The following ASXL3 variants were observed in gnomAD, a reference collection of about 807,000 sequenced individuals.
ASXL3 encodes the protein ASXL transcriptional regulator 3.
Under a neutral mutation model 170.6 loss-of-function variants are expected in ASXL3, and 34 were observed. The observed-to-expected ratio is 0.20, with a 90% CI of 0.15 to 0.27. The LOEUF (loss-of-function observed/expected upper bound fraction) is 0.27, where lower values mean the gene tolerates loss of function less well. Among genes scored for constraint, ASXL3 ranks in the 10% least tolerant of loss-of-function variants. ASXL3 has a pLI of 1.00. For missense variants in ASXL3, 2,592 were observed against 2,695.3 expected (o/e 0.96, Z 0.85); for synonymous variants, 1,002 against 989.1 (o/e 1.01, Z -0.24).
chr18:33,651,923 T>C (rs577241088), intron 4 of ASXL3, among the ~76,000 whole-genome samples: 1 of 152,230 alleles, frequency 6.6e-6, no homozygotes, highest in East Asian at 1.9e-4. Context: ...GGAAAAGTGG[T>C]ATATTTTTAA....
chr18:33,706,079 C>T (rs2066950835), intron 8 of ASXL3, among the ~76,000 whole-genome samples: 1 of 147,550 alleles, frequency 6.8e-6, no homozygotes, highest in Non-Finnish European at 1.5e-5. Flanking sequence ...CATTGAGTGA[C>T]ATAATAATTC....
Position 33,745,724 on chromosome 18 carries a change from A to G in ASXL3, c.5876A>G (p.Asn1959Ser). 3 of 1,613,934 alleles carry G rather than the reference A, an allele frequency of 1.9e-6. No homozygotes were observed. The highest frequency in any genetic ancestry group is 2.5e-6 in the Non-Finnish European group (3 of 1,179,880). Residue 1959 changes from asparagine (N) to serine (S), a missense_variant, in exon 12 of 12, where the codon AAT (asparagine) becomes AGT (serine). Physicochemically the swap from Asn to Ser is conservative, Grantham distance 46 (BLOSUM62 1). Transcript: ENST00000269197. The stretch of plus-strand genomic sequence containing the variant: ...TCTTCCAAGACCCCAGTGGGGTGTA[A>G]TGCATTTGCCTTCAACAGGCATCTT... ...QASSKTPVGCNAFAFNRHLEQ... is the reference protein window; with the variant it reads ...QASSKTPVGCSAFAFNRHLEQ...
At chr18:33,588,194 A>T (rs993228748) in intron 1 of ASXL3, among the ~76,000 whole-genome samples, 6 of 152,108 alleles carry the variant, frequency 3.9e-5, no homozygotes, top group Non-Finnish European at 8.8e-5. Context: ...CATCTAGCAG[A>T]TCGTTATCTA....
At chr18:33,617,199 A>G (rs75440470) in intron 2 of ASXL3, among the ~76,000 whole-genome samples, 63 of 152,270 alleles carry the variant, frequency 4.1e-4, no homozygotes, top group Non-Finnish European at 7.5e-4. Flanking sequence ...GAAGTTTTAT[A>G]TTCAAATATT....
At chr18:33,656,762 T>C (rs1416985813) in intron 4 of ASXL3, among the ~76,000 whole-genome samples, 2 of 152,082 alleles carry the variant, frequency 1.3e-5, no homozygotes, top group South Asian at 2.1e-4. Context: ...TTATCCCTAA[T>C]TGACTTTAGA....
chr18:33,692,325 G>C (rs945479414), intron 8 of ASXL3, among the ~76,000 whole-genome samples: 2 of 152,116 alleles, frequency 1.3e-5, no homozygotes, highest in African/African-American at 4.8e-5. Context: ...CTGAAGCATA[G>C]AACAGAGGAG....
chr18:33,656,836 A>G (rs1161898806), intron 4 of ASXL3, among the ~76,000 whole-genome samples: 1 of 152,134 alleles, frequency 6.6e-6, no homozygotes, highest in Non-Finnish European at 1.5e-5. Flanking sequence ...CATTTTATAC[A>G]TACTTTTTCA....
intron 2 of ASXL3, among the ~76,000 whole-genome samples, chr18:33,611,106 A>G (rs1036419530): frequency 6.6e-6 from 1 of 152,110 alleles, no homozygotes; most frequent in African/African-American, 2.4e-5. Context: ...TTTACAACTG[A>G]CACTTTAAAT....
chr18:33,641,549 T>C (rs754810106), intron 2 of ASXL3, among the ~76,000 whole-genome samples: 7 of 152,072 alleles, frequency 4.6e-5, no homozygotes, highest in Non-Finnish European at 7.4e-5. Flanking sequence ...TAGAAATACA[T>C]GGGCTTTCTG....
At chr18:33,631,873 G>A (rs1441662143) in intron 2 of ASXL3, among the ~76,000 whole-genome samples, 2 of 152,052 alleles carry the variant, frequency 1.3e-5, no homozygotes, top group East Asian at 3.8e-4. Flanking sequence ...ACCATTTGAT[G>A]TGATATTTTT....
intron 2 of ASXL3, among the ~76,000 whole-genome samples, chr18:33,644,530 T>TA (rs759004836): frequency 2.2e-4 from 34 of 151,500 alleles, no homozygotes; most frequent in Non-Finnish European, 4.0e-4. Flanking sequence ...CTGTAATATT[T>TA]AAAAGCTAAG....
At chr18:33,610,792 T>C (rs1242193522) in intron 2 of ASXL3, among the ~76,000 whole-genome samples, 1 of 150,632 alleles carries the variant, frequency 6.6e-6, no homozygotes, top group Non-Finnish European at 1.5e-5. Context: ...TTACATGTTA[T>C]ATTTTTATGA....
intron 3 of ASXL3, 92 bp from the exon 4 acceptor site, chr18:33,646,153 C>A: frequency 2.4e-6 from 2 of 828,162 alleles, no homozygotes; most frequent in Non-Finnish European, 1.9e-6. Flanking sequence ...TCACAAATAA[C>A]TGATCATACT....
At chr18:33,701,400 A>C (rs1194403770) in intron 8 of ASXL3, among the ~76,000 whole-genome samples, 1 of 152,106 alleles carries the variant, frequency 6.6e-6, no homozygotes. Context: ...ATTGCTTAAC[A>C]ATACCAAGTC....
chr18:33,609,353 C>G (rs1314558677), intron 2 of ASXL3, among the ~76,000 whole-genome samples: 1 of 151,840 alleles, frequency 6.6e-6, no homozygotes, highest in Non-Finnish European at 1.5e-5. Context: ...AAAAGCACCT[C>G]CTAAAAGCAG....
intron 2 of ASXL3, among the ~76,000 whole-genome samples, chr18:33,641,031 A>G (rs935935644): frequency 6.6e-6 from 1 of 152,116 alleles, no homozygotes; most frequent in Non-Finnish European, 1.5e-5. Flanking sequence ...TATGTTATAT[A>G]TAAAGGAATA....
Position 33,744,777 on chromosome 18 carries a change from A to T in ASXL3, c.4929A>T (p.Lys1643Asn). ...AGCAAAGCTGTCCAAAGGCTATCAA[A>T]ACTGAACATGCCAACTACTTGAACG... Reference protein sequence around the residue: ...YLEQSCPKAIKTEHANYLNVS... With the variant: ...YLEQSCPKAINTEHANYLNVS... The change falls in exon 12 of 12, where the codon AAA becomes AAT. Residue 1643 changes from lysine (K) to asparagine (N), a missense_variant. This residue lies in a region of ASXL3 where 2,246 missense variants were observed against 2,219.6 expected (regional missense o/e 1.01). Transcript: ENST00000269197. 6.2e-7 allele frequency: 1 copy of T among 1,614,004 alleles called. No homozygotes were observed. The highest frequency in any genetic ancestry group is 1.3e-5 in the African/African-American group (1 of 75,038).
chr18:33,718,528 G>A (rs891091859), intron 8 of ASXL3, among the ~76,000 whole-genome samples: 3 of 152,004 alleles, frequency 2.0e-5, no homozygotes, highest in Non-Finnish European at 4.4e-5. Context: ...CTTCTGCTCT[G>A]GATCTTAACA....
At chr18:33,603,362 TTG>T (rs2065205064) in intron 1 of ASXL3, among the ~76,000 whole-genome samples, 1 of 152,168 alleles carries the variant, frequency 6.6e-6, no homozygotes, top group Admixed American at 6.6e-5. Context: ...CCTAAATGAT[TTG>T]GCAAATCATC....
Sources: allele counts gnomAD v4.1 joint callset (sites outside exome capture counted in the v4.1 genomes callset), GRCh38; gene constraint gnomAD v4.1.1; regional missense constraint gnomAD v4.1.1; transcripts MANE v1.5; gene names NCBI Gene and HGNC (gene_info 2026-07-23, HGNC 2026-07-21).